The following RPRD2 variants were observed in gnomAD, a reference collection of about 807,000 sequenced individuals.
RPRD2 encodes regulation of nuclear pre-mRNA domain-containing protein 2.
In RPRD2, 12 loss-of-function variants were observed where a neutral mutation model predicts 104.4. The observed-to-expected ratio is 0.11, with a 90% confidence interval of 0.07 to 0.19. RPRD2 has a LOEUF of 0.19. RPRD2 is among the 10% of genes least tolerant of loss of function. RPRD2 has a pLI of 1.00. For synonymous variants in RPRD2, 714 were observed against 684.9 expected (o/e 1.04, Z -0.66); for missense variants, 1,543 against 1,790.1 (o/e 0.86, Z 2.49).
chr1:150,382,090 A>T (rs587610016), intron 1 of RPRD2, among the ~76,000 whole-genome samples: 1 of 152,312 alleles, frequency 6.6e-6, no homozygotes, highest in Admixed American at 6.5e-5. Flanking sequence ...TATGATATAC[A>T]GTTATTATAA....
intron 1 of RPRD2, among the ~76,000 whole-genome samples, chr1:150,389,941 C>T (rs1290302086): frequency 6.6e-6 from 1 of 152,150 alleles, no homozygotes; most frequent in Non-Finnish European, 1.5e-5. Flanking sequence ...CCCCCAGAAA[C>T]GTTGAAAAGC....
chr1:150,456,106 C>T (rs11582170), intron 7 of RPRD2, among the ~76,000 whole-genome samples: 33,703 of 152,034 alleles, frequency 0.22, 4,249 homozygotes, highest in African/African-American at 0.32. Flanking sequence ...GCTGAGATTA[C>T]AGACATGAAC....
chr1:150,470,459 G>C, intron 10 of RPRD2, 102 bp from the exon 11 acceptor site: 1 of 1,236,642 alleles, frequency 8.1e-7, no homozygotes, highest in East Asian at 2.5e-5. Flanking sequence ...TTGTCTATCT[G>C]GTTCCCACCA....
chr1:150,471,262 C>A lies in RPRD2; in HGVS notation c.2314C>A (p.Pro772Thr), dbSNP rs145486353. ...STPSSTRSPPPGRDESYPREL... is the reference protein window; with the variant it reads ...STPSSTRSPPTGRDESYPREL... ...ACCCAGCAGTACAAGATCACCACCC[C>A]CTGGGAGAGATGAAAGCTACCCCCG... The change falls in exon 11 of 11, where the codon CCT becomes ACT. Residue 772 changes from proline to threonine, a missense_variant. By Grantham distance (38) the Pro-to-Thr change is conservative. Transcript: ENST00000369068. The surrounding 1 kb of genome is among the most constrained non-coding windows in gnomAD (Gnocchi z 5.3). The A allele has an allele frequency of 6.2e-6, 10 of 1,613,634 alleles. No homozygotes were observed. Among genetic ancestry groups the A allele is most frequent in the African/African-American group, 2.7e-5 (2 of 74,852 alleles).
chr1:150,465,782 G>C (rs1294887629), intron 10 of RPRD2, among the ~76,000 whole-genome samples: 2 of 152,134 alleles, frequency 1.3e-5, no homozygotes, highest in Non-Finnish European at 2.9e-5. Flanking sequence ...AATATGGCCA[G>C]GTGCAGTTGC....
At chr1:150,447,477 GGCATGT>G (rs1455582366) in intron 7 of RPRD2, among the ~76,000 whole-genome samples, 8 of 151,500 alleles carry the variant, frequency 5.3e-5, no homozygotes, top group African/African-American at 1.9e-4. Flanking sequence ...TGGGATTACA[GGCATGT>G]GCCACCACAC....
At position 150,441,920 on chromosome 1, in the gene RPRD2, T is replaced by G. The variant is rs1251791855; in HGVS notation, c.476T>G (p.Leu159Arg). ...FKTQKQLKENLNKQPNKQWKK... is the reference protein window; with the variant it reads ...FKTQKQLKENRNKQPNKQWKK... ...ACTCAGAAGCAGCTGAAAGAAAATCTGAACAAACAACCGAATAAGCAGTGG... is the reference window on the plus strand; with the variant it reads ...ACTCAGAAGCAGCTGAAAGAAAATCGGAACAAACAACCGAATAAGCAGTGG... Residue 159 changes from leucine to arginine, a missense_variant, in exon 4 of 11, where the codon CTG (leucine) becomes CGG (arginine). Leu to Arg is a moderately radical substitution (Grantham distance 102). Transcript: ENST00000369068. 6.2e-6 allele frequency: 10 copies of G among 1,613,072 alleles called. No homozygotes were observed. Among genetic ancestry groups the G allele is most frequent in the Non-Finnish European group, 8.5e-6 (10 of 1,179,574 alleles).
chr1:150,379,553 C>T (rs931053799), intron 1 of RPRD2, among the ~76,000 whole-genome samples: 5 of 152,164 alleles, frequency 3.3e-5, no homozygotes, highest in Middle Eastern at 3.4e-3. Context: ...CAGGCATGTG[C>T]CACCATGCCC....
At chr1:150,439,394 A>C (rs587711127) in intron 2 of RPRD2, among the ~76,000 whole-genome samples, 43 of 109,690 alleles carry the variant, frequency 3.9e-4, no homozygotes, top group African/African-American at 1.3e-3. Context: ...GGATCGCTTG[A>C]GCCCAGGAGG....
chr1:150,383,307 T>G (rs11582351), intron 1 of RPRD2, among the ~76,000 whole-genome samples: 23,327 of 110,434 alleles, frequency 0.21, 2,052 homozygotes, highest in African/African-American at 0.33. Context: ...AAATAAGAGG[T>G]TTTTTTTTTT....
At chr1:150,431,472 G>GGTTTTTTT (rs1553891696) in intron 2 of RPRD2, among the ~76,000 whole-genome samples, 1 of 65,760 alleles carries the variant, frequency 1.5e-5, no homozygotes, top group Non-Finnish European at 2.7e-5. Flanking sequence ...AAAAAGGAAG[G>GGTTTTTTT]ATTTTTTTTT....
chr1:150,443,208 G>T lies in RPRD2; in HGVS notation c.515-23G>T. 4 of 1,557,746 alleles carry T rather than the reference G, an allele frequency of 2.6e-6. No individual in the cohort carries two copies. The South Asian group carries it at 4.7e-5, about 18-fold the overall frequency. ...AACTTTTTGTGTCTGTATTCTTAAT[G>T]ACCTTTTGTTTAATTCCAACAGCAT... On this transcript the variant is annotated intron_variant, in intron 4 of 10. Transcript: ENST00000369068.
intron 1 of RPRD2, among the ~76,000 whole-genome samples, chr1:150,396,075 G>A (rs1560166619): frequency 6.6e-6 from 1 of 152,014 alleles, no homozygotes; most frequent in Non-Finnish European, 1.5e-5. Context: ...GTTTTGATTT[G>A]CATTTCCCTG....
chr1:150,418,769 C>T (rs971489377), intron 2 of RPRD2, among the ~76,000 whole-genome samples: 3 of 152,070 alleles, frequency 2.0e-5, no homozygotes, highest in Admixed American at 6.6e-5. Context: ...CCCAGCACTT[C>T]GGGAGGCCAA....
rs1463573690 is a variant in RPRD2, at chr1:150,475,577, CTTTTTTG to C, written c.*2250_*2256del. The C allele has an allele frequency of 1.3e-5, 2 of 152,346 alleles. No homozygotes were observed. Among genetic ancestry groups the C allele is most frequent in the Non-Finnish European group, 2.9e-5 (2 of 68,006 alleles). 9.4% of individuals were successfully genotyped at this position (152,346 alleles called of 1,614,324 possible). On this transcript the variant is annotated 3_prime_UTR_variant, in exon 11 of 11. Transcript: ENST00000369068. ...TAAGGAGTTGGGTTTTTGTGGGGTA[CTTTTTTG>C]TTTTTTAAGCCACAAAATCCTCAAT...
At chr1:150,422,265 A>T (rs1572441092) in intron 2 of RPRD2, among the ~76,000 whole-genome samples, 1 of 150,354 alleles carries the variant, frequency 6.7e-6, no homozygotes, top group Non-Finnish European at 1.5e-5. Flanking sequence ...AATGGCATGA[A>T]CCCGGGAAGC....
intron 2 of RPRD2, among the ~76,000 whole-genome samples, 154 bp downstream of exon 2, chr1:150,417,879 TTTTC>T (rs1396433767): frequency 2.6e-5 from 4 of 152,154 alleles, no homozygotes; most frequent in East Asian, 1.9e-4. Flanking sequence ...TAACACACGT[TTTTC>T]TTTCTTTCTT....
intron 8 of RPRD2, among the ~76,000 whole-genome samples, chr1:150,458,476 T>C (rs969715655): frequency 6.6e-5 from 10 of 150,998 alleles, no homozygotes. Flanking sequence ...ACCAGACACA[T>C]TGGAGTCCAG....
At chr1:150,452,950 G>A (rs1312204089) in intron 7 of RPRD2, among the ~76,000 whole-genome samples, 3 of 151,802 alleles carry the variant, frequency 2.0e-5, no homozygotes, top group African/African-American at 7.3e-5. Flanking sequence ...GATTACAGGC[G>A]TGAGCCACTG....
Sources: gnomAD v4.1 joint callset for allele counts (sites outside exome capture counted in the v4.1 genomes callset) on GRCh38, gnomAD v4.1.1 for gene constraint, Gnocchi (gnomAD v3.1) non-coding constraint, MANE v1.5 for transcripts, NCBI Gene and HGNC (gene_info 2026-07-23, HGNC 2026-07-21) for gene names.